Variants in FHOD3 observed in about 807,000 individuals in gnomAD.
FHOD3 encodes the protein formin homology 2 domain containing 3, also known as FH1/FH2 domain-containing protein 3.
Under a neutral mutation model 173.0 loss-of-function variants are expected in FHOD3, and 90 were observed. That is an observed-to-expected ratio of 0.52 (90% CI 0.44 to 0.62). FHOD3 has a LOEUF of 0.62. Among genes scored for constraint, FHOD3 ranks in the 20% least tolerant of loss-of-function variants. The pLI, the probability that FHOD3 is intolerant of heterozygous loss-of-function variation, is 0.00. For missense variants in FHOD3, 1,945 were observed against 2,034.7 expected (o/e 0.96, Z 0.85); for synonymous variants, 828 against 823.0 (o/e 1.01, Z -0.10).
intron 3 of FHOD3, among the ~76,000 whole-genome samples, chr18:36,414,281 T>C (rs950690901): frequency 1.3e-5 from 2 of 152,242 alleles, no homozygotes; most frequent in African/African-American, 4.8e-5. Flanking sequence ...TATTTCTGTT[T>C]TAGGATGAAG....
intron 7 of FHOD3, among the ~76,000 whole-genome samples, chr18:36,597,381 A>C (rs917971919): frequency 1.3e-5 from 2 of 151,986 alleles, no homozygotes; most frequent in Non-Finnish European, 2.9e-5. Flanking sequence ...AATAATAAAA[A>C]CAGCTAATGA....
intron 3 of FHOD3, among the ~76,000 whole-genome samples, chr18:36,456,598 T>G (rs1313700254): frequency 6.6e-6 from 1 of 152,068 alleles, no homozygotes; most frequent in Non-Finnish European, 1.5e-5. Flanking sequence ...GCCCTAGGTG[T>G]TCTTGGGGTA....
chr18:36,359,113 A>AT (rs2046491815), intron 2 of FHOD3, among the ~76,000 whole-genome samples: 1 of 152,094 alleles, frequency 6.6e-6, no homozygotes, highest in Non-Finnish European at 1.5e-5. Flanking sequence ...GGCAAATACC[A>AT]TTTTTTTCTC....
intron 18 of FHOD3, among the ~76,000 whole-genome samples, chr18:36,716,047 A>G (rs1237773762): frequency 6.6e-6 from 1 of 152,214 alleles, no homozygotes; most frequent in Non-Finnish European, 1.5e-5. Context: ...AGGAAGGATC[A>G]TGGAAGGCCT....
intron 10 of FHOD3, among the ~76,000 whole-genome samples, chr18:36,648,515 C>T (rs2035836828): frequency 6.6e-6 from 1 of 152,152 alleles, no homozygotes; most frequent in Non-Finnish European, 1.5e-5. Flanking sequence ...TTATTATTTT[C>T]CATTAGTGAA....
chr18:36,411,375 C>T lies in FHOD3; in HGVS notation c.337+38631C>T, dbSNP rs570373742. Reference sequence around the variant, plus strand: ...GAAAATTATCAAAATAATGTAATTCCTCAAAGGGTATCATTTGTTACTATG... The same window carrying T: ...GAAAATTATCAAAATAATGTAATTCTTCAAAGGGTATCATTTGTTACTATG... On this transcript the variant is annotated intron_variant, in intron 3 of 28. Transcript: ENST00000590592. Among the ~76,000 whole-genome samples, 7 of 152,212 alleles carry T rather than the reference C, an allele frequency of 4.6e-5. No homozygotes were observed. In the South Asian group the frequency reaches 1.5e-3, roughly 32 times the overall value.
chr18:36,574,406 AT>A (rs1383338860), intron 5 of FHOD3, among the ~76,000 whole-genome samples: 5 of 152,178 alleles, frequency 3.3e-5, no homozygotes, highest in Admixed American at 3.3e-4. Flanking sequence ...GTTGTCTCTC[AT>A]ATAAAATGCC....
At chr18:36,717,061 G>A (rs559012536) in intron 18 of FHOD3, among the ~76,000 whole-genome samples, 2 of 152,082 alleles carry the variant, frequency 1.3e-5, no homozygotes, top group East Asian at 1.9e-4. Flanking sequence ...GTCGACCCCT[G>A]CTAAGAGGTA....
At chr18:36,369,498 C>CACACACATAT (rs1555682884) in intron 2 of FHOD3, among the ~76,000 whole-genome samples, 2 of 95,988 alleles carry the variant, frequency 2.1e-5, no homozygotes, top group South Asian at 3.5e-4. Context: ...CACACACACA[C>CACACACATAT]ATATATATAG....
rs750150011 is a variant in FHOD3, at chr18:36,652,677, T to A, written c.1394T>A (p.Leu465Gln). 1 of 1,535,744 alleles carries A rather than the reference T, an allele frequency of 6.5e-7. No individual in the cohort carries two copies. ...GCCAGCTCGCAGGGAAAGCCGCTTC[T>A]GGTTGGCACTGCAGGCGGGACCACC... The part of the protein sequence containing the change: ...SNASSQGKPL[L>Q]VGTAGGTTWH... Residue 465 changes from leucine (L) to glutamine (Q), a missense_variant, in exon 12 of 29, where the codon CTG becomes CAG. Leu to Gln is a moderately radical substitution (Grantham distance 113). Coordinates refer to ENST00000590592, the MANE Select transcript of FHOD3 (RefSeq NM_001281740.3).
chr18:36,527,241 G>A (rs1050535895), intron 5 of FHOD3, among the ~76,000 whole-genome samples: 1 of 152,146 alleles, frequency 6.6e-6, no homozygotes, highest in Non-Finnish European at 1.5e-5. Flanking sequence ...TTAAAGCCGA[G>A]GGAGAGAAGC....
chr18:36,398,486 A>T (rs2048657114), intron 3 of FHOD3, among the ~76,000 whole-genome samples: 1 of 152,186 alleles, frequency 6.6e-6, no homozygotes, highest in Admixed American at 6.5e-5. Flanking sequence ...TGTTTTTTTC[A>T]GAAAGAAAAT....
chr18:36,481,376 A>G (rs1423730019), intron 3 of FHOD3, among the ~76,000 whole-genome samples: 1 of 151,998 alleles, frequency 6.6e-6, no homozygotes, highest in Non-Finnish European at 1.5e-5. Flanking sequence ...GAGTATTACC[A>G]TATGGTCCTT....
chr18:36,437,726 C>T (rs190910015), intron 3 of FHOD3, among the ~76,000 whole-genome samples: 78 of 142,170 alleles, frequency 5.5e-4, no homozygotes, highest in African/African-American at 2.0e-3. Context: ...TGCAGTGGCA[C>T]GATGTCGGCT....
chr18:36,615,975 G>T (rs1173976630), intron 9 of FHOD3, among the ~76,000 whole-genome samples: 1 of 152,164 alleles, frequency 6.6e-6, no homozygotes, highest in Non-Finnish European at 1.5e-5. Flanking sequence ...CCAGCTCTTT[G>T]TGCGCTGCTC....
intron 14 of FHOD3, among the ~76,000 whole-genome samples, chr18:36,661,572 A>G (rs2036805547): frequency 1.3e-5 from 2 of 152,100 alleles, no homozygotes; most frequent in South Asian, 2.1e-4. Flanking sequence ...AAACAAGACT[A>G]CTTCACTGAA....
rs9304162 is a variant in FHOD3 at position 36,740,667 on chromosome 18, G to A, written c.3588G>A (p.Thr1196=). The change falls in exon 21 of 29, where the codon ACG becomes ACA. Residue 1196 remains threonine, a synonymous_variant. Coordinates refer to ENST00000590592, the MANE Select transcript of FHOD3 (RefSeq NM_001281740.3). ...TCTCCTATTTCCAGAAAATTCTAAC[G>A]ATGATTCCCACCGATGAGGAGAAGC... ...LNKEGIEKIL[T]MIPTDEEKQK... The A allele has an allele frequency of 0.012, 18,955 of 1,613,294 alleles. 1,959 individuals are homozygous for A. The African/African-American group carries it at 0.22, about 19-fold the overall frequency.
chr18:36,436,281 T>C (rs1400224877), intron 3 of FHOD3, among the ~76,000 whole-genome samples: 1 of 152,214 alleles, frequency 6.6e-6, no homozygotes, highest in Non-Finnish European at 1.5e-5. Context: ...TTCTATGCCC[T>C]TTGTATTTCT....
intron 3 of FHOD3, among the ~76,000 whole-genome samples, chr18:36,382,789 G>A (rs1437904567): frequency 2.7e-5 from 2 of 73,096 alleles, no homozygotes; most frequent in Non-Finnish European, 4.4e-5. Flanking sequence ...AGGAATGTAA[G>A]ACTGTCTCTA....
Sources: gnomAD v4.1 joint callset for allele counts (sites outside exome capture counted in the v4.1 genomes callset) on GRCh38, gnomAD v4.1.1 for gene constraint, MANE v1.5 for transcripts, NCBI Gene and HGNC (gene_info 2026-07-23, HGNC 2026-07-21) for gene names.